KLF12: variants seen among roughly 807,000 people sequenced by gnomAD.
KLF12 encodes Krueppel-like factor 12.
In KLF12, 9 loss-of-function variants were observed where a neutral mutation model predicts 37.8. The observed-to-expected ratio is 0.24, with a 90% confidence interval of 0.14 to 0.42. The LOEUF is 0.42. Ranked by LOEUF, KLF12 falls within the 10% of genes least tolerant of loss-of-function variation. The pLI, the probability that KLF12 is intolerant of heterozygous loss-of-function variation, is 1.00. For missense variants in KLF12, 411 were observed against 516.0 expected, an observed-to-expected ratio of 0.80 and a Z score of 1.97; for synonymous variants, 208 against 202.1, an observed-to-expected ratio of 1.03 and a Z score of -0.25.
intron 2 of KLF12, among the ~76,000 whole-genome samples, chr13:73,980,322 T>A (rs1380899696): frequency 6.6e-6 from 1 of 152,168 alleles, no homozygotes; most frequent in Non-Finnish European, 1.5e-5. Flanking sequence ...TAGATAATTG[T>A]TTATGCACAT....
At position 74,037,436 on chromosome 13, in the gene KLF12, T is replaced by C. The variant is rs563436823; in HGVS notation, c.-31-42383A>G. The stretch of plus-strand genomic sequence containing the variant: ...CCATGCCTACCACATGCATCCATCT[T>C]TACAACCTCAATTATGCACAAGACA... On this transcript the variant is annotated intron_variant, in intron 1 of 7. Coordinates refer to ENST00000377669, the MANE Select transcript of KLF12 (RefSeq NM_007249.5). Among the ~76,000 whole-genome samples, 9 of 152,172 alleles carry C rather than the reference T, an allele frequency of 5.9e-5. No homozygotes were observed. In the East Asian group the frequency reaches 1.7e-3, roughly 29 times the overall value.
intron 1 of KLF12, among the ~76,000 whole-genome samples, chr13:74,009,793 C>T (rs546880816): frequency 1.9e-4 from 29 of 152,304 alleles, no homozygotes; most frequent in African/African-American, 2.6e-4. Flanking sequence ...AGGAGAGTCT[C>T]GTGCTCTCAT....
chr13:74,168,731 GT>G, the KLF12 span, among the ~76,000 whole-genome samples: 1 of 152,238 alleles, frequency 6.6e-6, no homozygotes, highest in African/African-American at 2.4e-5. Context: ...GCTGAAGAAT[GT>G]TTGTGGCTTT....
chr13:73,865,896 T>A (rs1463728546), intron 3 of KLF12, among the ~76,000 whole-genome samples: 2 of 152,202 alleles, frequency 1.3e-5, no homozygotes, highest in African/African-American at 4.8e-5. Context: ...AAATGATTAA[T>A]GAACTGAAAA....
rs137905103 is a variant in KLF12 at position 73,886,949 on chromosome 13, G to A, written c.124-40576C>T. ...GGAGGTTGCTGTGAGCTGAGATCCC[G>A]CCATTGTACTCCAGCCTGGGCAACA... On this transcript the variant is annotated intron_variant, in intron 3 of 7. Coordinates refer to ENST00000377669, the MANE Select transcript of KLF12 (RefSeq NM_007249.5). Among the ~76,000 whole-genome samples, 420 of 147,722 alleles carry A rather than the reference G, an allele frequency of 2.8e-3. 1 individual carries two copies. The highest frequency in any genetic ancestry group is 9.8e-3 in the African/African-American group (393 of 40,116).
chr13:73,974,075 G>A (rs568718767), intron 2 of KLF12, among the ~76,000 whole-genome samples: 9 of 152,034 alleles, frequency 5.9e-5, no homozygotes, highest in Non-Finnish European at 1.2e-4. Context: ...TACAGAGGAG[G>A]AAGACAAATA....
intron 3 of KLF12, among the ~76,000 whole-genome samples, chr13:73,936,659 GGC>G (rs1430577820): frequency 3.8e-4 from 58 of 152,194 alleles, no homozygotes; most frequent in African/African-American, 8.2e-4. Flanking sequence ...GAGACGGCGA[GGC>G]CCTGTTTGGG....
intron 1 of KLF12, among the ~76,000 whole-genome samples, chr13:74,009,343 AT>A (rs1015935249): frequency 6.6e-6 from 1 of 152,226 alleles, no homozygotes; most frequent in Non-Finnish European, 1.5e-5. Flanking sequence ...CTTTATACAC[AT>A]TATGTTAAGT....
chr13:74,298,724 A>G, the KLF12 span, among the ~76,000 whole-genome samples: 3 of 152,190 alleles, frequency 2.0e-5, no homozygotes, highest in Non-Finnish European at 4.4e-5. Context: ...CTAAGAATAA[A>G]GAAGCATTAA....
chr13:74,058,599 G>A (rs1004474272), intron 1 of KLF12, among the ~76,000 whole-genome samples: 32 of 149,884 alleles, frequency 2.1e-4, no homozygotes, highest in Non-Finnish European at 4.0e-4. Flanking sequence ...CTCATGATCC[G>A]CCCACCTCGG....
In KLF12 at chr13:74,062,490, C is replaced by CAA. The variant is rs1027224207; in HGVS notation, c.-31-67439_-31-67438dup. ...ATCTTTAGTGACTGAGCCCATAAGGCAAGAGTTCATAGTCAGACAATTAAA... is the reference window on the plus strand; with the variant it reads ...ATCTTTAGTGACTGAGCCCATAAGGCAAAAGAGTTCATAGTCAGACAATTAAA... On this transcript the variant is annotated intron_variant, in intron 1 of 7. Transcript: ENST00000377669. 4.5e-4 allele frequency among the ~76,000 whole-genome samples: 55 copies of CAA among 122,546 alleles called. 1 individual carries two copies. Among genetic ancestry groups the CAA allele is most frequent in the Non-Finnish European group, 3.8e-5 (2 of 53,010 alleles). 80.4% of individuals were successfully genotyped at this position (122,546 alleles called of 152,430 possible). A position where few individuals can be genotyped will look rare whatever the true frequency, so the allele number is the denominator to read the frequency against.
chr13:74,037,345 A>G (rs879324435), intron 1 of KLF12, among the ~76,000 whole-genome samples: 2 of 152,062 alleles, frequency 1.3e-5, no homozygotes, highest in Non-Finnish European at 2.9e-5. Context: ...TGTATCTGCA[A>G]CCCAGCCTGC....
At chr13:74,258,023 C>T in the KLF12 span, 2 of 151,962 alleles carry the variant, frequency 1.3e-5, no homozygotes, top group South Asian at 2.1e-4. Context: ...TATTATCTTT[C>T]AATCCAGAAA....
At chr13:73,700,942 A>T (rs1329445369) in intron 7 of KLF12, among the ~76,000 whole-genome samples, 1 of 152,200 alleles carries the variant, frequency 6.6e-6, no homozygotes, top group Non-Finnish European at 1.5e-5. Context: ...TGATGAGAGT[A>T]AAAAAACTAA....
intron 5 of KLF12, among the ~76,000 whole-genome samples, chr13:73,771,555 A>G (rs1880275012): frequency 6.6e-6 from 1 of 152,228 alleles, no homozygotes; most frequent in Non-Finnish European, 1.5e-5. Context: ...ATCTCAGTGA[A>G]TTTACTGAAA....
At position 73,689,511 on chromosome 13, in the gene KLF12, T is replaced by C. The variant is rs1873695270; in HGVS notation, c.*5979A>G. On this transcript the variant is annotated 3_prime_UTR_variant, in exon 8 of 8. Coordinates refer to ENST00000377669, the MANE Select transcript of KLF12 (RefSeq NM_007249.5). ...CATGTCTATTCATATAGTCTCATTGTATATTTCTATCCATGACTCCACTTT... is the reference window on the plus strand; with the variant it reads ...CATGTCTATTCATATAGTCTCATTGCATATTTCTATCCATGACTCCACTTT... The C allele has an allele frequency of 6.6e-6, 1 of 152,210 alleles. No individual in the cohort carries two copies. Among genetic ancestry groups the C allele is most frequent in the Non-Finnish European group, 1.5e-5 (1 of 68,036 alleles). The allele number at this position is 152,210 out of a possible 1,614,324, so 9.4% of individuals were successfully genotyped here. A position where few individuals can be genotyped will look rare whatever the true frequency, so the allele number is the denominator to read the frequency against.
intron 3 of KLF12, among the ~76,000 whole-genome samples, chr13:73,847,338 CAA>C (rs1263914135): frequency 6.6e-6 from 1 of 151,990 alleles, no homozygotes; most frequent in Non-Finnish European, 1.5e-5. Flanking sequence ...TTATGAGGAA[CAA>C]AAACTTTTTT....
intron 1 of KLF12, among the ~76,000 whole-genome samples, chr13:73,999,876 C>T (rs956183671): frequency 1.3e-5 from 2 of 152,132 alleles, no homozygotes; most frequent in African/African-American, 2.4e-5. Context: ...CTCACATGAA[C>T]GAATGGCATA....
intron 3 of KLF12, among the ~76,000 whole-genome samples, chr13:73,897,409 T>C (rs1887834789): frequency 6.6e-6 from 1 of 152,288 alleles, no homozygotes; most frequent in Non-Finnish European, 1.5e-5. Flanking sequence ...TTACGACCCT[T>C]GGGCCCTTTG....
Sources: gnomAD v4.1 joint callset for allele counts (sites outside exome capture counted in the v4.1 genomes callset) on GRCh38, gnomAD v4.1.1 for gene constraint, MANE v1.5 for transcripts, NCBI Gene and HGNC (gene_info 2026-07-23, HGNC 2026-07-21) for gene names.